SAMMSON: variants seen among roughly 807,000 people sequenced by gnomAD.
SAMMSON encodes the protein survival associated mitochondrial melanoma specific oncogenic non-coding RNA.
intron 2 of SAMMSON, among the ~76,000 whole-genome samples, chr3:70,413,210 A>G (rs1357684941): frequency 1.3e-5 from 2 of 152,142 alleles, no homozygotes; most frequent in African/African-American, 4.8e-5. Flanking sequence ...GATACCTACA[A>G]ACAGAAATTC....
At chr3:70,220,435 C>T (rs1701452271) in intron 4 of SAMMSON, among the ~76,000 whole-genome samples, 1 of 151,442 alleles carries the variant, frequency 6.6e-6, no homozygotes. Flanking sequence ...AAGACCTTAC[C>T]TCTTAAAAAA....
intron 4 of SAMMSON, among the ~76,000 whole-genome samples, chr3:70,169,358 T>C (rs1451219176): frequency 6.6e-6 from 1 of 152,042 alleles, no homozygotes; most frequent in East Asian, 1.9e-4. Flanking sequence ...TGACGTTTTA[T>C]GCAAGGAGAA....
At chr3:70,045,133 ATT>A (rs2067121276) in intron 3 of SAMMSON, among the ~76,000 whole-genome samples, 1 of 130,368 alleles carries the variant, frequency 7.7e-6, no homozygotes, top group Non-Finnish European at 1.6e-5. Context: ...ATTATAATAT[ATT>A]ATAATTTATA....
At chr3:70,097,169 A>T (rs1342993469) in intron 4 of SAMMSON, among the ~76,000 whole-genome samples, 2 of 152,226 alleles carry the variant, frequency 1.3e-5, no homozygotes, top group Non-Finnish European at 2.9e-5. Flanking sequence ...TACCTCTGGT[A>T]GATGATTGTG....
At chr3:70,303,115 A>C (rs1226067994) in intron 7 of SAMMSON, among the ~76,000 whole-genome samples, 2 of 152,222 alleles carry the variant, frequency 1.3e-5, no homozygotes, top group Non-Finnish European at 2.9e-5. Context: ...GTGCTTCATC[A>C]ACAGCACATA....
intron 4 of SAMMSON, among the ~76,000 whole-genome samples, chr3:70,116,791 A>C (rs2067413497): frequency 6.6e-6 from 1 of 152,198 alleles, no homozygotes; most frequent in African/African-American, 2.4e-5. Context: ...AATCTTAGTG[A>C]AACTTTAAAT....
At chr3:70,103,220 T>A (rs961027199) in intron 4 of SAMMSON, among the ~76,000 whole-genome samples, 10 of 152,174 alleles carry the variant, frequency 6.6e-5, no homozygotes, top group African/African-American at 2.4e-4. Flanking sequence ...GATTTTTGTA[T>A]GAAATCTCTT....
intron 4 of SAMMSON, among the ~76,000 whole-genome samples, chr3:70,244,914 C>A (rs1490760288): frequency 6.6e-6 from 1 of 152,074 alleles, no homozygotes; most frequent in South Asian, 2.1e-4. Context: ...CATAAATAGT[C>A]TTCAGGACTA....
intron 6 of SAMMSON, among the ~76,000 whole-genome samples, chr3:70,272,649 G>C (rs1031250394): frequency 1.3e-5 from 2 of 152,124 alleles, no homozygotes; most frequent in African/African-American, 2.4e-5. Flanking sequence ...CGAATGGCAG[G>C]TGTATGTTTA....
At chr3:70,173,994 CA>C (rs1235764001) in intron 4 of SAMMSON, among the ~76,000 whole-genome samples, 1 of 151,724 alleles carries the variant, frequency 6.6e-6, no homozygotes, top group Non-Finnish European at 1.5e-5. Flanking sequence ...CAAACAAAAC[CA>C]AAAAACTTCC....
chr3:70,060,249 T>A (rs2067182717), intron 3 of SAMMSON, among the ~76,000 whole-genome samples: 1 of 152,000 alleles, frequency 6.6e-6, no homozygotes, highest in Non-Finnish European at 1.5e-5. Flanking sequence ...CAGAATACAT[T>A]CCCTTATGGA....
intron 3 of SAMMSON, among the ~76,000 whole-genome samples, chr3:70,038,726 A>C (rs1335576578): frequency 6.6e-6 from 1 of 152,160 alleles, no homozygotes; most frequent in Non-Finnish European, 1.5e-5. Context: ...TTATTTTTAG[A>C]TGGACTCTGG....
intron 4 of SAMMSON, among the ~76,000 whole-genome samples, chr3:70,122,790 A>G (rs756278211): frequency 2.2e-4 from 33 of 152,202 alleles, no homozygotes; most frequent in Non-Finnish European, 4.3e-4. Flanking sequence ...TAAGTTTTTT[A>G]TCCTATAGCA....
At chr3:70,063,946 T>G (rs1252791758) in intron 3 of SAMMSON, among the ~76,000 whole-genome samples, 1 of 152,132 alleles carries the variant, frequency 6.6e-6, no homozygotes, top group Non-Finnish European at 1.5e-5. Flanking sequence ...AGTAAATCTT[T>G]TCCTACAAGG....
At chr3:70,075,813 TC>T in intron 4 of SAMMSON, among the ~76,000 whole-genome samples, 1 of 152,158 alleles carries the variant, frequency 6.6e-6, no homozygotes, top group East Asian at 1.9e-4. Flanking sequence ...AATCATCTTT[TC>T]TTTCATATAA....
At chr3:70,045,840 A>C (rs1261381521) in intron 3 of SAMMSON, among the ~76,000 whole-genome samples, 1 of 152,112 alleles carries the variant, frequency 6.6e-6, no homozygotes, top group Non-Finnish European at 1.5e-5. Flanking sequence ...TCTTCTTTAA[A>C]TCATACAAAT....
intron 9 of SAMMSON, among the ~76,000 whole-genome samples, chr3:70,369,337 C>A (rs2106744885): frequency 6.6e-6 from 1 of 151,734 alleles, no homozygotes; most frequent in Non-Finnish European, 1.5e-5. Context: ...TTCTTCCCTT[C>A]ATGACTTTTA....
At chr3:70,432,903 G>C (rs531578466) in intron 2 of SAMMSON, among the ~76,000 whole-genome samples, 4 of 152,030 alleles carry the variant, frequency 2.6e-5, no homozygotes, top group African/African-American at 9.6e-5. Context: ...TCATAAAGTT[G>C]GGATCATACA....
chr3:70,418,260 A>C (rs1701281439), intron 2 of SAMMSON, among the ~76,000 whole-genome samples: 1 of 152,158 alleles, frequency 6.6e-6, no homozygotes, highest in African/African-American at 2.4e-5. Flanking sequence ...CAATCCACCT[A>C]ATATTGAAAA....
Sources: allele counts gnomAD v4.1 joint callset (sites outside exome capture counted in the v4.1 genomes callset), GRCh38; gene constraint gnomAD v4.1.1; transcripts MANE v1.5; gene names NCBI Gene and HGNC (gene_info 2026-07-23, HGNC 2026-07-21).